FUCA2: variants seen among roughly 807,000 people sequenced by gnomAD.
The protein encoded by FUCA2 is plasma alpha-L-fucosidase.
A neutral mutation model predicts 52.6 loss-of-function variants in FUCA2; 41 were observed. The observed-to-expected ratio is 0.78, with a 90% CI of 0.61 to 1.01. The LOEUF is 1.01. Ranked by LOEUF, FUCA2 falls within the 50% of genes least tolerant of loss-of-function variation. FUCA2 has a pLI of 0.00. For missense variants in FUCA2, 507 were observed against 569.5 expected, an observed-to-expected ratio of 0.89 and a Z score of 1.12; for synonymous variants, 211 against 217.3, an observed-to-expected ratio of 0.97 and a Z score of 0.26.
Position 143,503,645 on chromosome 6 carries a change from A to T in FUCA2, c.752+268T>A. 1 of 350,568 alleles carries T rather than the reference A, an allele frequency of 2.9e-6. No homozygotes were observed. The highest frequency in any genetic ancestry group is 5.2e-6 in the Non-Finnish European group (1 of 193,076). The allele number at this position is 350,568 out of a possible 1,614,324, so 21.7% of individuals were successfully genotyped here. A position where few individuals can be genotyped will look rare whatever the true frequency, so the allele number is the denominator to read the frequency against. On this transcript the variant is annotated intron_variant, in intron 3 of 6. Coordinates refer to ENST00000002165, the MANE Select transcript of FUCA2 (RefSeq NM_032020.5). This position sits in a 1 kb window ranked among gnomAD's most constrained non-coding sequence, Gnocchi z 4.8. ...TAGGAGAGAAAAAGGGGGGACCCAC[A>T]AAATTAACACCTTCAAAGTTCTTGA...
chr6:143,495,652 C>A lies in FUCA2; in HGVS notation c.*55G>T, dbSNP rs899858602. 2 of 1,546,176 alleles carry A rather than the reference C, an allele frequency of 1.3e-6. No homozygotes were observed. The highest frequency in any genetic ancestry group is 1.2e-5 in the South Asian group (1 of 84,438). Reference sequence around the variant, plus strand: ...TCTCCATGTGCTACAATTATAGACACCTGATAGTTCCTAGCCTTAGACATA... The same window carrying A: ...TCTCCATGTGCTACAATTATAGACAACTGATAGTTCCTAGCCTTAGACATA... On this transcript the variant is annotated 3_prime_UTR_variant, in exon 7 of 7. Transcript: ENST00000002165. This position sits in a 1 kb window ranked among gnomAD's most constrained non-coding sequence, Gnocchi z 5.2.
In FUCA2 at chr6:143,504,139, G is replaced by A. The variant is rs1255023546; in HGVS notation, c.526C>T (p.Arg176Cys). Residue 176 changes from arginine (R) to cysteine (C), a missense_variant, in exon 3 of 7, where the codon CGT becomes TGT. Physicochemically the swap from Arg to Cys is radical, Grantham distance 180. Transcript: ENST00000002165. The surrounding 1 kb of genome is among the most constrained non-coding windows in gnomAD (Gnocchi z 4.4). ...EVAIRNRTDL[R>C]FGLYYSLFEW... The stretch of plus-strand genomic sequence containing the variant: ...AAAAGGGAATAGTACAGTCCAAAAC[G>A]CAGGTCAGTTCTGTTCCTAATGGCT... The A allele has an allele frequency of 6.2e-6, 10 of 1,614,028 alleles. No individual in the cohort carries two copies. The highest frequency in any genetic ancestry group is 4.5e-5 in the East Asian group (2 of 44,896).
At position 143,497,398 on chromosome 6, in the gene FUCA2, C is replaced by A. The variant is rs2128421417; in HGVS notation, c.1254G>T (p.Gly418=). 1 of 1,607,840 alleles carries A rather than the reference C, an allele frequency of 6.2e-7. No individual in the cohort carries two copies. Among genetic ancestry groups the A allele is most frequent in the Non-Finnish European group, 8.5e-7 (1 of 1,174,362 alleles). ...TAAAATTCCCTCTTACCTCTGTTGC[C>A]CCCAGAATAGCTTTGGGATGGCCAA... ...LFLGHPKAIL[G]ATEVKLLGHG... The change falls in exon 6 of 7, where the codon GGG becomes GGT. Residue 418 remains glycine (G), a synonymous_variant. Transcript: ENST00000002165. The surrounding 1 kb of genome is among the most constrained non-coding windows in gnomAD (Gnocchi z 5.3).
In FUCA2 at chr6:143,503,948, G is replaced by A. The variant is rs76564114; in HGVS notation, c.717C>T (p.Asn239=). The A allele has an allele frequency of 3.4e-4, 541 of 1,614,088 alleles. 3 individuals are homozygous for A. The African/African-American group carries it at 6.8e-3, about 20-fold the overall frequency. Residue 239 remains asparagine (N), a synonymous_variant, in exon 3 of 7, where the codon AAC becomes AAT. Coordinates refer to ENST00000002165, the MANE Select transcript of FUCA2 (RefSeq NM_032020.5). The surrounding 1 kb of genome is among the most constrained non-coding windows in gnomAD (Gnocchi z 4.8). The part of the protein sequence containing the change: ...GDGGAPDQYW[N]STGFLAWLYN... ...ATAACCAGGCCAAGAAGCCTGTGCT[G>A]TTCCAGTATTGATCCGGTGCTCCTC...
At chr6:143,506,353 T>TTTTG (rs1175694647) in intron 2 of FUCA2, 4 of 151,968 alleles carry the variant, frequency 2.6e-5, no homozygotes, top group South Asian at 2.1e-4. Context: ...ATTTTTTAGT[T>TTTTG]TTTGTTTGTT....
Position 143,503,747 on chromosome 6 carries a change from T to C in FUCA2, c.752+166A>G, listed in dbSNP as rs1780561899. ...CTCCTGATTTATTTACCCTTGATTA[T>C]GTTGAGTAAATAGTGATATATCTAA... On this transcript the variant is annotated intron_variant, in intron 3 of 6. Transcript: ENST00000002165. The surrounding 1 kb of genome is among the most constrained non-coding windows in gnomAD (Gnocchi z 4.8). 1.8e-6 allele frequency: 1 copy of C among 562,786 alleles called. No homozygotes were observed. The highest frequency in any genetic ancestry group is 3.1e-6 in the Non-Finnish European group (1 of 326,690). 34.9% of individuals were successfully genotyped at this position (562,786 alleles called of 1,614,324 possible).
Position 143,501,294 on chromosome 6 carries a change from G to A in FUCA2, c.1154+638C>T, listed in dbSNP as rs759706800. On this transcript the variant is annotated intron_variant, in intron 5 of 6. Coordinates refer to ENST00000002165, the MANE Select transcript of FUCA2 (RefSeq NM_032020.5). The surrounding 1 kb of genome is among the most constrained non-coding windows in gnomAD (Gnocchi z 6.1). The stretch of plus-strand genomic sequence containing the variant: ...TGAAGAACAATTAGTCTAATCTTTC[G>A]GTTCCTATTTGATCAGACAGTACTC... 3.3e-5 allele frequency among the ~76,000 whole-genome samples: 5 copies of A among 152,120 alleles called. No homozygotes were observed. The highest frequency in any genetic ancestry group is 7.2e-5 in the African/African-American group (3 of 41,406).
chr6:143,495,171 A>C lies in FUCA2; in HGVS notation c.*536T>G, dbSNP rs988155238. 1.3e-5 allele frequency: 2 copies of C among 152,254 alleles called. No homozygotes were observed. Among genetic ancestry groups the C allele is most frequent in the African/African-American group, 4.8e-5 (2 of 41,444 alleles). 9.4% of individuals were successfully genotyped at this position (152,254 alleles called of 1,614,324 possible). A position where few individuals can be genotyped will look rare whatever the true frequency, so the allele number is the denominator to read the frequency against. On this transcript the variant is annotated 3_prime_UTR_variant, in exon 7 of 7. Transcript: ENST00000002165. This position sits in a 1 kb window ranked among gnomAD's most constrained non-coding sequence, Gnocchi z 5.2. ...GTTTCGATATACAAATACCACTGTTACTATTGCCTACAGTATTCAGTAACA... is the reference window on the plus strand; with the variant it reads ...GTTTCGATATACAAATACCACTGTTCCTATTGCCTACAGTATTCAGTAACA...
chr6:143,498,443 C>G (rs1780491395), intron 5 of FUCA2, among the ~76,000 whole-genome samples: 1 of 152,114 alleles, frequency 6.6e-6, no homozygotes, highest in Non-Finnish European at 1.5e-5. Context: ...ACAGAATAGT[C>G]AGGGAAGACT....
At position 143,497,723 on chromosome 6, in the gene FUCA2, C is replaced by G. The variant is rs1780477627; in HGVS notation, c.1155-226G>C. On this transcript the variant is annotated intron_variant, in intron 5 of 6. Coordinates refer to ENST00000002165, the MANE Select transcript of FUCA2 (RefSeq NM_032020.5). The surrounding 1 kb of genome is among the most constrained non-coding windows in gnomAD (Gnocchi z 5.3). ...CAAAGATTTTCCTGAGCTAGCATTCCTCTTCATCAGACTGCTCTCATGGAG... is the reference window on the plus strand; with the variant it reads ...CAAAGATTTTCCTGAGCTAGCATTCGTCTTCATCAGACTGCTCTCATGGAG... 6.6e-6 allele frequency among the ~76,000 whole-genome samples: 1 copy of G among 152,156 alleles called. No individual in the cohort carries two copies. The highest frequency in any genetic ancestry group is 1.9e-4 in the East Asian group (1 of 5,196).
At position 143,504,224 on chromosome 6, in the gene FUCA2, C is replaced by T. The variant is rs752287798; in HGVS notation, c.441G>A (p.Ser147=). The part of the protein sequence containing the change: ...EGFTLWGSEY[S]WNWNAIDEGP... ...CCTCATCTATGGCATTCCAGTTCCACGAATATTCTGACCCCCACAAGGTAA... is the reference window on the plus strand; with the variant it reads ...CCTCATCTATGGCATTCCAGTTCCATGAATATTCTGACCCCCACAAGGTAA... The change falls in exon 3 of 7, where the codon TCG becomes TCA. Residue 147 remains serine, a synonymous_variant. Coordinates refer to ENST00000002165, the MANE Select transcript of FUCA2 (RefSeq NM_032020.5). The surrounding 1 kb of genome is among the most constrained non-coding windows in gnomAD (Gnocchi z 4.4). The T allele has an allele frequency of 1.1e-5, 17 of 1,613,734 alleles. No homozygotes were observed. In the East Asian group the frequency reaches 1.3e-4, roughly 13 times the overall value.
Position 143,507,637 on chromosome 6 carries a change from C to T in FUCA2, c.225-213G>A, listed in dbSNP as rs970512288. ...ATCCCCCTGTGATATCCACTCAGCT[C>T]ATAAACTAGAGCATTCTAGGCAACT... On this transcript the variant is annotated intron_variant, in intron 1 of 6. Transcript: ENST00000002165. The surrounding 1 kb of genome is among the most constrained non-coding windows in gnomAD (Gnocchi z 4.5). 3.3e-5 allele frequency among the ~76,000 whole-genome samples: 5 copies of T among 152,086 alleles called. No homozygotes were observed. The highest frequency in any genetic ancestry group is 1.2e-4 in the African/African-American group (5 of 41,400).
chr6:143,504,014 C>A lies in FUCA2; in HGVS notation c.651G>T (p.Val217=). The A allele has an allele frequency of 2.5e-6, 4 of 1,614,162 alleles. No homozygotes were observed. Among genetic ancestry groups the A allele is most frequent in the Non-Finnish European group, 3.4e-6 (4 of 1,180,036 alleles). Residue 217 remains valine (V), a synonymous_variant, in exon 3 of 7, where the codon GTG becomes GTT. Coordinates refer to ENST00000002165, the MANE Select transcript of FUCA2 (RefSeq NM_032020.5). This position sits in a 1 kb window ranked among gnomAD's most constrained non-coding sequence, Gnocchi z 4.4. ...ACAGAACCTCAGGCTGATAGTTGTT[C>A]ACTAACTCATAGAGCTCTGGCAATG... ...SKTLPELYEL[V]NNYQPEVLWS...
In FUCA2 at chr6:143,501,337, G is replaced by A. The variant is rs188641899; in HGVS notation, c.1154+595C>T. ...CAGTACTCAGGTGGCAACTGAAAGC[G>A]AATTTTTAGAACTTCACCAATACTC... On this transcript the variant is annotated intron_variant, in intron 5 of 6. Transcript: ENST00000002165. The surrounding 1 kb of genome is among the most constrained non-coding windows in gnomAD (Gnocchi z 6.1). 2.2e-4 allele frequency among the ~76,000 whole-genome samples: 33 copies of A among 152,262 alleles called. No homozygotes were observed. Among genetic ancestry groups the A allele is most frequent in the Admixed American group, 5.2e-4 (8 of 15,284 alleles).
intron 2 of FUCA2, chr6:143,506,299 A>T (rs1270584357): frequency 6.7e-6 from 1 of 150,312 alleles, no homozygotes; most frequent in Non-Finnish European, 1.5e-5. Context: ...CTCCAACCTA[A>T]GCCTCCCAAG....
Position 143,495,961 on chromosome 6 carries a change from T to G in FUCA2, c.1264-114A>C, listed in dbSNP as rs1780453629. ...AACAAAATTGTAGACAAGAGGTTCA[T>G]TTTTACCTTTATTTAGTGATTCACA... On this transcript the variant is annotated intron_variant, in intron 6 of 6. Transcript: ENST00000002165. The surrounding 1 kb of genome is among the most constrained non-coding windows in gnomAD (Gnocchi z 5.2). 2.0e-6 allele frequency: 2 copies of G among 1,007,236 alleles called. No homozygotes were observed. Among genetic ancestry groups the G allele is most frequent in the South Asian group, 3.1e-5 (2 of 64,774 alleles). The allele number at this position is 1,007,236 out of a possible 1,614,324, so 62.4% of individuals were successfully genotyped here. A position where few individuals can be genotyped will look rare whatever the true frequency, so the allele number is the denominator to read the frequency against.
chr6:143,505,412 T>C (rs1310029117), intron 2 of FUCA2: 1 of 147,398 alleles, frequency 6.8e-6, no homozygotes, highest in Non-Finnish European at 1.5e-5. Flanking sequence ...CCTCCTGGGC[T>C]CAAGTGATGC....
chr6:143,505,399 C>T (rs544071846), intron 2 of FUCA2: 10 of 148,608 alleles, frequency 6.7e-5, no homozygotes, highest in South Asian at 2.2e-4. Flanking sequence ...ACTGCATCCT[C>T]GACCTCCTGG....
Position 143,497,586 on chromosome 6 carries a change from T to C in FUCA2, c.1155-89A>G. 1.5e-6 allele frequency: 1 copy of C among 679,022 alleles called. No individual in the cohort carries two copies. The highest frequency in any genetic ancestry group is 2.5e-6 in the Non-Finnish European group (1 of 401,102). 42.1% of individuals were successfully genotyped at this position (679,022 alleles called of 1,614,324 possible). On this transcript the variant is annotated intron_variant, in intron 5 of 6. Transcript: ENST00000002165. This position sits in a 1 kb window ranked among gnomAD's most constrained non-coding sequence, Gnocchi z 5.3. Reference sequence around the variant, plus strand: ...TGGATCAGGAACAATCTGGAATTATTTTACAGATACTTCCACAATGTCACC... The same window carrying C: ...TGGATCAGGAACAATCTGGAATTATCTTACAGATACTTCCACAATGTCACC...
Sources: allele counts gnomAD v4.1 joint callset (sites outside exome capture counted in the v4.1 genomes callset), GRCh38; gene constraint gnomAD v4.1.1; non-coding constraint Gnocchi (gnomAD v3.1); transcripts MANE v1.5; gene names NCBI Gene and HGNC (gene_info 2026-07-23, HGNC 2026-07-21).